The following CDK14 variants were observed in gnomAD, a reference collection of about 807,000 sequenced individuals.
The protein encoded by CDK14 is cyclin-dependent kinase 14.
A neutral mutation model predicts 60.7 loss-of-function variants in CDK14; 34 were observed. That is an observed-to-expected ratio of 0.56 (90% confidence interval 0.43 to 0.75). CDK14 has a LOEUF of 0.75. Among genes scored for constraint, CDK14 ranks in the 30% least tolerant of loss-of-function variants. The probability of loss-of-function intolerance (pLI) is 0.00; values close to 1 mark genes in which losing one functional copy is unlikely to be tolerated. For missense variants in CDK14, 482 were observed against 564.1 expected (o/e 0.85, Z 1.47); for synonymous variants, 197 against 203.7 (o/e 0.97, Z 0.28).
At chr7:91,036,693 T>C (rs34589660) in intron 10 of CDK14, among the ~76,000 whole-genome samples, 16,692 of 152,232 alleles carry the variant, frequency 0.11, 1,135 homozygotes, top group Non-Finnish European at 0.15. Context: ...TCTTTTTTTC[T>C]AGCTTACTTT....
At position 91,203,026 on chromosome 7, in the gene CDK14, A is replaced by G. The variant is rs115080942; in HGVS notation, c.*29-4139A>G. Among the ~76,000 whole-genome samples, 1,138 of 152,334 alleles carry G rather than the reference A, an allele frequency of 7.5e-3. 13 individuals are homozygous for G. Among genetic ancestry groups the G allele is most frequent in the African/African-American group, 0.026 (1,076 of 41,566 alleles). On this transcript the variant is annotated intron_variant, in intron 14 of 14. Transcript: ENST00000380050. ...AACATCTTAACCCAACAGGATAGTG[A>G]ATATGCCATTGACTGTGGTGACAAC... is the stretch of plus-strand genomic sequence containing the variant.
chr7:90,784,819 ATTTAG>A (rs1805503634), intron 4 of CDK14, among the ~76,000 whole-genome samples: 1 of 152,216 alleles, frequency 6.6e-6, no homozygotes, highest in Admixed American at 6.5e-5. Context: ...TGTCATGAAT[ATTTAG>A]TTAAGTTTAA....
chr7:91,179,629 C>T (rs1209875358), intron 14 of CDK14, among the ~76,000 whole-genome samples: 10 of 151,976 alleles, frequency 6.6e-5, no homozygotes, highest in Admixed American at 3.3e-4. Flanking sequence ...GGTGAAACCC[C>T]GTCTCTACTA....
intron 10 of CDK14, among the ~76,000 whole-genome samples, chr7:91,018,527 C>A (rs532655905): frequency 3.3e-5 from 5 of 152,294 alleles, no homozygotes; most frequent in South Asian, 2.1e-4. Flanking sequence ...CTCCTCAACT[C>A]CTTACAAGGG....
chr7:90,959,769 C>T (rs1483807008), intron 9 of CDK14, among the ~76,000 whole-genome samples: 19 of 152,136 alleles, frequency 1.2e-4, no homozygotes, highest in Admixed American at 1.1e-3. Flanking sequence ...TTTCCTCCTC[C>T]AGGTCTCCAA....
intron 8 of CDK14, among the ~76,000 whole-genome samples, chr7:90,946,100 C>T (rs1794091513): frequency 6.6e-6 from 1 of 152,034 alleles, no homozygotes; most frequent in African/African-American, 2.4e-5. Context: ...GAACTTTGGG[C>T]CTCAGTTTAT....
chr7:90,864,209 T>A (rs1791102810), intron 6 of CDK14, among the ~76,000 whole-genome samples: 1 of 152,170 alleles, frequency 6.6e-6, no homozygotes, highest in Non-Finnish European at 1.5e-5. Context: ...AATTGTCTTA[T>A]GAAGAAGCCG....
intron 10 of CDK14, among the ~76,000 whole-genome samples, chr7:91,008,666 T>C (rs1399684592): frequency 6.6e-6 from 1 of 152,182 alleles, no homozygotes; most frequent in Middle Eastern, 3.2e-3. Context: ...TTTCTTTTTC[T>C]GTCAGGATAC....
chr7:90,919,317 A>G lies in CDK14; in HGVS notation c.826+1593A>G, dbSNP rs145386563. ...TTTTGTCTGTATAACCAAGGATACA[A>G]TAGGATTGTATGTTTGTGCTTACTA... On this transcript the variant is annotated intron_variant, in intron 8 of 14. Transcript: ENST00000380050. Among the ~76,000 whole-genome samples, 8 of 152,268 alleles carry G rather than the reference A, an allele frequency of 5.3e-5. No individual in the cohort carries two copies. In the East Asian group the frequency reaches 1.5e-3, roughly 29 times the overall value.
rs1169222556 is a variant in CDK14 at position 90,878,094 on chromosome 7, GAGAGAGAGAGAGAGAGAC to G, written c.639+14841_639+14858del. On this transcript the variant is annotated intron_variant, in intron 6 of 14. Transcript: ENST00000380050. Reference sequence around the variant, plus strand: ...TGGCTGTGTGTGTGTGTGTGTGTGTGAGAGAGAGAGAGAGAGACAGAGAGAGAGAGAGAATTGAGAGTT... The same window carrying G: ...TGGCTGTGTGTGTGTGTGTGTGTGTGAGAGAGAGAGAGAGAATTGAGAGTT... Among the ~76,000 whole-genome samples, 8 of 135,734 alleles carry G rather than the reference GAGAGAGAGAGAGAGAGAC, an allele frequency of 5.9e-5. No homozygotes were observed. In the East Asian group the frequency reaches 1.6e-3, roughly 27 times the overall value. 89.0% of individuals were successfully genotyped at this position (135,734 alleles called of 152,430 possible).
chr7:90,934,179 A>G (rs931527655), intron 8 of CDK14, among the ~76,000 whole-genome samples: 5 of 152,228 alleles, frequency 3.3e-5, no homozygotes, highest in African/African-American at 7.2e-5. Context: ...GGGTTTCAGC[A>G]TGTGTTTCTC....
rs567268987 is a variant in CDK14, at chr7:91,185,389, C to T, written c.*29-21776C>T. On this transcript the variant is annotated intron_variant, in intron 14 of 14. Coordinates refer to ENST00000380050, the MANE Select transcript of CDK14 (RefSeq NM_001287135.2). ...CTTTGTTTAAAACTATACTTTTTTC[C>T]GGATTACAGAAGTAACACATGTTCA... 3.1e-3 allele frequency among the ~76,000 whole-genome samples: 460 copies of T among 147,384 alleles called. 6 individuals carry two copies. The highest frequency in any genetic ancestry group is 0.01 in the Middle Eastern group (3 of 286).
intron 3 of CDK14, 60 bp from the exon 4 acceptor site, chr7:90,747,621 G>T (rs372063799): frequency 6.5e-6 from 6 of 923,002 alleles, no homozygotes; most frequent in Non-Finnish European, 1.0e-5. Context: ...CAAAATCAGG[G>T]TATTTGTTGT....
intron 5 of CDK14, among the ~76,000 whole-genome samples, chr7:90,807,319 T>G (rs1176517321): frequency 6.6e-6 from 1 of 152,200 alleles, no homozygotes; most frequent in Non-Finnish European, 1.5e-5. Flanking sequence ...CAATACCTGC[T>G]GTTCTTCAGC....
At chr7:91,030,424 T>TA (rs766956209) in intron 10 of CDK14, among the ~76,000 whole-genome samples, 4 of 152,118 alleles carry the variant, frequency 2.6e-5, no homozygotes, top group Non-Finnish European at 4.4e-5. Flanking sequence ...GAGCAATAGT[T>TA]ACTGTGGGCA....
chr7:90,698,067 CAAAAAAAAAA>C (rs71104484), intron 2 of CDK14, among the ~76,000 whole-genome samples: 2 of 75,746 alleles, frequency 2.6e-5, no homozygotes, highest in Admixed American at 1.9e-4. Context: ...GACTCTGTCT[CAAAAAAAAAA>C]AAAAAAAAAA....
chr7:90,914,746 A>C (rs531943590), intron 7 of CDK14, among the ~76,000 whole-genome samples: 3 of 152,274 alleles, frequency 2.0e-5, no homozygotes, highest in East Asian at 3.9e-4. Context: ...CTAATTAGTA[A>C]AGGTATTAAG....
intron 2 of CDK14, among the ~76,000 whole-genome samples, chr7:90,703,014 G>A (rs893611589): frequency 6.8e-6 from 1 of 147,530 alleles, no homozygotes; most frequent in African/African-American, 2.5e-5. Context: ...TGTTGTTGTT[G>A]TTTTGTTTTT....
At chr7:91,006,002 A>T (rs146460333) in intron 10 of CDK14, among the ~76,000 whole-genome samples, 1 of 152,312 alleles carries the variant, frequency 6.6e-6, no homozygotes, top group African/African-American at 2.4e-5. Context: ...GTCCCACCCT[A>T]TAGGCAGTGA....
Sources: gnomAD v4.1 joint callset for allele counts (sites outside exome capture counted in the v4.1 genomes callset) on GRCh38, gnomAD v4.1.1 for gene constraint, MANE v1.5 for transcripts, NCBI Gene and HGNC (gene_info 2026-07-23, HGNC 2026-07-21) for gene names.